Variants in OCA2 observed in about 807,000 individuals in gnomAD.
OCA2 encodes the protein OCA2 melanosomal transmembrane protein, also known as P protein.
Under a neutral mutation model 100.2 loss-of-function variants are expected in OCA2, and 77 were observed. The ratio of observed to expected loss-of-function variants is 0.77; its 90% CI spans 0.64 to 0.93. The LOEUF is 0.93. Among genes scored for constraint, OCA2 ranks in the 40% least tolerant of loss-of-function variants. The pLI is 0.00. For missense variants in OCA2, 1,062 were observed against 1,089.1 expected (o/e 0.98, Z 0.35); for synonymous variants, 432 against 439.2 (o/e 0.98, Z 0.21).
At chr15:27,955,296 C>A in intron 16 of OCA2, 81 bp from the exon 17 acceptor site, 2 of 1,000,758 alleles carry the variant, frequency 2.0e-6, no homozygotes, top group South Asian at 2.6e-5. Context: ...CCCAGCGCTT[C>A]GTGCCTGGAC....
At chr15:27,991,483 T>C (rs1477750592) in intron 9 of OCA2, among the ~76,000 whole-genome samples, 1 of 152,128 alleles carries the variant, frequency 6.6e-6, no homozygotes, top group African/African-American at 2.4e-5. Context: ...ACACAGAAGA[T>C]GGGGTCGGTC....
At chr15:28,077,810 G>C (rs767297485) in intron 2 of OCA2, among the ~76,000 whole-genome samples, 3 of 152,178 alleles carry the variant, frequency 2.0e-5, no homozygotes, top group Admixed American at 2.0e-4. Flanking sequence ...GGCCAGAAGC[G>C]GTGGCTCATG....
In OCA2 at chr15:28,043,942, C is replaced by T. The variant is rs1236906468; in HGVS notation, c.228-11779G>A. ...GCTGTATCTTTTCCTAATAGCCATA[C>T]TTTCACAGAAAGGCCAATGAATGCT... is the stretch of plus-strand genomic sequence containing the variant. On this transcript the variant is annotated intron_variant, in intron 2 of 23. Transcript: ENST00000354638. This position sits in a 1 kb window ranked among gnomAD's most constrained non-coding sequence, Gnocchi z 4.4. Among the ~76,000 whole-genome samples, 1 of 152,158 alleles carries T rather than the reference C, an allele frequency of 6.6e-6. No individual in the cohort carries two copies. The highest frequency in any genetic ancestry group is 2.4e-5 in the African/African-American group (1 of 41,444).
chr15:27,954,116 TACAC>T (rs200633980), intron 17 of OCA2, among the ~76,000 whole-genome samples: 4,437 of 46,406 alleles, frequency 0.096, 197 homozygotes, highest in African/African-American at 0.15. Flanking sequence ...TTCCATGGCA[TACAC>T]ACACACACAC....
At chr15:28,096,011 G>C (rs2044972040) in intron 1 of OCA2, among the ~76,000 whole-genome samples, 1 of 152,218 alleles carries the variant, frequency 6.6e-6, no homozygotes, top group East Asian at 1.9e-4. Context: ...TGCTTGCAGG[G>C]GCCTGGCTGG....
At chr15:27,994,116 T>C (rs2041644679) in intron 9 of OCA2, among the ~76,000 whole-genome samples, 1 of 152,146 alleles carries the variant, frequency 6.6e-6, no homozygotes, top group South Asian at 2.1e-4. Context: ...CACGGACTAG[T>C]ACCAGGGCCG....
In OCA2 at chr15:27,893,828, G is replaced by C. The variant is rs1270279441; in HGVS notation, c.2080-21906C>G. Among the ~76,000 whole-genome samples the C allele has an allele frequency of 2.6e-5, 4 of 152,136 alleles. No individual in the cohort carries two copies. The East Asian group carries it at 7.7e-4, about 29-fold the overall frequency. On this transcript the variant is annotated intron_variant, in intron 19 of 23. Coordinates refer to ENST00000354638, the MANE Select transcript of OCA2 (RefSeq NM_000275.3). ...GACCCTTATCAGTGGTTCTGCTTTT[G>C]CCCTTTGCTTTATGATCTTTGTTGG...
intron 13 of OCA2, among the ~76,000 whole-genome samples, chr15:27,984,109 G>A (rs3794609): frequency 0.2 from 30,340 of 151,414 alleles, 4,603 homozygotes; most frequent in East Asian, 0.85. Flanking sequence ...TTTACCCTGG[G>A]AGCATTCCAG....
intron 2 of OCA2, among the ~76,000 whole-genome samples, chr15:28,063,723 G>A (rs1201965315): frequency 6.6e-6 from 1 of 152,024 alleles, no homozygotes; most frequent in Non-Finnish European, 1.5e-5. Flanking sequence ...TTCTATTGCT[G>A]ACTATAAAGT....
chr15:27,900,381 C>A (rs2703977), intron 19 of OCA2, among the ~76,000 whole-genome samples: 27,739 of 152,066 alleles, frequency 0.18, 6,593 homozygotes, highest in African/African-American at 0.55. Context: ...GACTCCCATA[C>A]TGGGAGCCTC....
intron 19 of OCA2, among the ~76,000 whole-genome samples, chr15:27,893,743 G>A (rs2703972): frequency 0.41 from 61,758 of 151,856 alleles, 14,012 homozygotes; most frequent in South Asian, 0.63. Context: ...CTCTGCTCTC[G>A]AACCCTGTTT....
chr15:27,949,576 T>C (rs2039963484), intron 18 of OCA2, among the ~76,000 whole-genome samples: 1 of 152,120 alleles, frequency 6.6e-6, no homozygotes, highest in Admixed American at 6.5e-5. Flanking sequence ...GGCAGGAGAA[T>C]TGCTTGAGCC....
the OCA2 span, among the ~76,000 whole-genome samples, chr15:27,722,244 G>A: frequency 1.3e-5 from 2 of 152,152 alleles, no homozygotes; most frequent in Non-Finnish European, 2.9e-5. Context: ...GGTAAATAAA[G>A]AGACTGTGAA....
chr15:27,721,125 C>G, the OCA2 span, among the ~76,000 whole-genome samples: 1 of 152,152 alleles, frequency 6.6e-6, no homozygotes, highest in Non-Finnish European at 1.5e-5. Flanking sequence ...TTAGTTGATT[C>G]TGGGAACTTC....
chr15:28,024,900 C>G lies in OCA2; in HGVS notation c.518G>C (p.Arg173Pro). 1 of 1,614,170 alleles carries G rather than the reference C, an allele frequency of 6.2e-7. No homozygotes were observed. Among genetic ancestry groups the G allele is most frequent in the Non-Finnish European group, 8.5e-7 (1 of 1,180,008 alleles). The change falls in exon 5 of 24, where the codon CGC (arginine) becomes CCC (proline). Residue 173 changes from arginine to proline, a missense_variant and splice_region_variant. Transcript: ENST00000354638. ...HIRLRLSKLRRCVQWLKVMGL... is the reference protein window; with the variant it reads ...HIRLRLSKLRPCVQWLKVMGL... ...CATGACTTTCAGCCACTGCACACAG[C>G]GCCTGCAAGAGAAAAAGTAGGGCCT...
At chr15:27,757,887 G>A (rs915109522) in intron 23 of OCA2, among the ~76,000 whole-genome samples, 4 of 152,110 alleles carry the variant, frequency 2.6e-5, no homozygotes, top group Non-Finnish European at 5.9e-5. Flanking sequence ...GCACCTCCCT[G>A]GTGCATGAGT....
chr15:27,962,610 G>T (rs1186653197), intron 15 of OCA2, among the ~76,000 whole-genome samples: 2 of 152,112 alleles, frequency 1.3e-5, no homozygotes, highest in African/African-American at 4.8e-5. Context: ...GTATAATATC[G>T]CTCAAAGTTA....
intron 4 of OCA2, among the ~76,000 whole-genome samples, chr15:28,025,455 A>T (rs569104342): frequency 4.6e-5 from 7 of 152,186 alleles, no homozygotes; most frequent in African/African-American, 7.2e-5. Context: ...TTCCAAAGCC[A>T]TCCCGGCCCC....
chr15:28,029,943 C>T (rs1376813181), intron 3 of OCA2, among the ~76,000 whole-genome samples: 2 of 152,222 alleles, frequency 1.3e-5, no homozygotes, highest in African/African-American at 2.4e-5. Context: ...AGGCCCAGCT[C>T]GGCCTCCCAG....
Sources: allele counts gnomAD v4.1 joint callset (sites outside exome capture counted in the v4.1 genomes callset), GRCh38; gene constraint gnomAD v4.1.1; non-coding constraint Gnocchi (gnomAD v3.1); transcripts MANE v1.5; gene names NCBI Gene and HGNC (gene_info 2026-07-23, HGNC 2026-07-21).